ADGRL3: variants seen among roughly 807,000 people sequenced by gnomAD.
ADGRL3 encodes the protein adhesion G protein-coupled receptor L3, also known as calcium-independent alpha-latrotoxin receptor 3.
ADGRL3 carries 62 observed loss-of-function variants against 153.5 expected under a neutral mutation model. That is an observed-to-expected ratio of 0.40 (90% CI 0.33 to 0.50). The LOEUF is 0.50. Among genes scored for constraint, ADGRL3 ranks in the 20% least tolerant of loss-of-function variants. The pLI, the probability that ADGRL3 is intolerant of heterozygous loss-of-function variation, is 0.47. For missense variants in ADGRL3, 1,641 were observed against 1,859.4 expected (o/e 0.88, Z 2.16); for synonymous variants, 710 against 672.5 (o/e 1.06, Z -0.86).
chr4:62,020,789 T>C (rs2099234253), intron 21 of ADGRL3, among the ~76,000 whole-genome samples: 1 of 152,084 alleles, frequency 6.6e-6, no homozygotes, highest in Non-Finnish European at 1.5e-5. Context: ...ATTGCCGTCA[T>C]ATAGTGGACT....
chr4:62,061,136 A>G (rs1739894753), intron 25 of ADGRL3, among the ~76,000 whole-genome samples: 2 of 151,934 alleles, frequency 1.3e-5, no homozygotes, highest in African/African-American at 2.4e-5. Context: ...ATAATTTAGA[A>G]AAGATTGAAA....
intron 5 of ADGRL3, among the ~76,000 whole-genome samples, chr4:61,650,194 G>A (rs973366928): frequency 2.0e-5 from 3 of 152,050 alleles, no homozygotes; most frequent in Non-Finnish European, 2.9e-5. Flanking sequence ...GATGTATACT[G>A]TAAATTTATT....
chr4:61,449,859 C>A (rs2097652707), intron 2 of ADGRL3, among the ~76,000 whole-genome samples: 1 of 152,136 alleles, frequency 6.6e-6, no homozygotes. Flanking sequence ...CTGAGTTTCT[C>A]CACCACCTTT....
chr4:61,295,337 A>G lies in ADGRL3; in HGVS notation c.-239-87787A>G, dbSNP rs555684028. On this transcript the variant is annotated intron_variant, in intron 1 of 26. Transcript: ENST00000683033. ...ACTTGTTACTGTTGTTAATCTCTTA[A>G]GGTGCCTAATTTATAAATTTACCTT... 2.6e-5 allele frequency among the ~76,000 whole-genome samples: 4 copies of G among 152,192 alleles called. No homozygotes were observed. In the South Asian group the frequency reaches 8.3e-4, roughly 32 times the overall value.
intron 8 of ADGRL3, among the ~76,000 whole-genome samples, chr4:61,736,677 A>T (rs1265204656): frequency 6.6e-6 from 1 of 152,198 alleles, no homozygotes; most frequent in Non-Finnish European, 1.5e-5. Flanking sequence ...ATAAATAAAT[A>T]AAAGGATGCT....
At chr4:61,456,674 A>G (rs1376635604) in intron 2 of ADGRL3, among the ~76,000 whole-genome samples, 2 of 151,444 alleles carry the variant, frequency 1.3e-5, no homozygotes, top group Non-Finnish European at 2.9e-5. Flanking sequence ...ACCATGGGCG[A>G]CCATTTTTTA....
chr4:61,506,914 G>C (rs1317167230), intron 3 of ADGRL3, among the ~76,000 whole-genome samples: 1 of 151,982 alleles, frequency 6.6e-6, no homozygotes, highest in Non-Finnish European at 1.5e-5. Context: ...CTAATGATTA[G>C]ATATGTAGGT....
intron 6 of ADGRL3, among the ~76,000 whole-genome samples, chr4:61,698,178 G>T (rs1033439463): frequency 3.3e-5 from 5 of 152,148 alleles, no homozygotes; most frequent in African/African-American, 9.7e-5. Flanking sequence ...GAGGCCGGGC[G>T]TGGTGGCTCA....
At chr4:61,950,218 A>G (rs1339774038) in intron 17 of ADGRL3, among the ~76,000 whole-genome samples, 4 of 152,186 alleles carry the variant, frequency 2.6e-5, no homozygotes, top group African/African-American at 9.7e-5. Context: ...TAAGATATGA[A>G]CACTGCCTTC....
At chr4:62,018,977 A>G (rs1239276496) in intron 21 of ADGRL3, among the ~76,000 whole-genome samples, 2 of 152,310 alleles carry the variant, frequency 1.3e-5, no homozygotes, top group African/African-American at 2.4e-5. Flanking sequence ...CAGTGGGCAT[A>G]TGTACAATTT....
chr4:61,547,573 A>C (rs940928638), intron 4 of ADGRL3, among the ~76,000 whole-genome samples: 8 of 146,054 alleles, frequency 5.5e-5, no homozygotes, highest in African/African-American at 2.0e-4. Context: ...CATCCATGTT[A>C]CTGCAAAGAA....
intron 2 of ADGRL3, among the ~76,000 whole-genome samples, chr4:61,387,499 C>T (rs2096751972): frequency 6.6e-6 from 1 of 152,056 alleles, no homozygotes; most frequent in Admixed American, 6.6e-5. Flanking sequence ...TAAGAGACGA[C>T]CACGCCCCAG....
intron 8 of ADGRL3, among the ~76,000 whole-genome samples, chr4:61,789,562 A>C (rs2152426715): frequency 6.6e-6 from 1 of 152,236 alleles, no homozygotes; most frequent in East Asian, 1.9e-4. Flanking sequence ...CAATTTTCTA[A>C]TTATGCTTGA....
Position 61,694,933 on chromosome 4 carries a change from T to G in ADGRL3, c.583+17998T>G, listed in dbSNP as rs530671737. ...AACATCTGCTGTTTTTGTTCATTTATAAGTAGCAACTCCTCGTGTTCAGTT... is the reference window on the plus strand; with the variant it reads ...AACATCTGCTGTTTTTGTTCATTTAGAAGTAGCAACTCCTCGTGTTCAGTT... On this transcript the variant is annotated intron_variant, in intron 6 of 26. Transcript: ENST00000683033. Among the ~76,000 whole-genome samples the G allele has an allele frequency of 2.6e-5, 4 of 152,344 alleles. No individual in the cohort carries two copies. In the South Asian group the frequency reaches 8.3e-4, roughly 32 times the overall value.
intron 3 of ADGRL3, among the ~76,000 whole-genome samples, chr4:61,508,639 A>C (rs2098445164): frequency 6.6e-6 from 1 of 152,184 alleles, no homozygotes; most frequent in Admixed American, 6.5e-5. Flanking sequence ...GGTTTGTTAC[A>C]GGAGTATATT....
At chr4:61,349,388 G>A (rs2151289069) in intron 1 of ADGRL3, among the ~76,000 whole-genome samples, 1 of 152,090 alleles carries the variant, frequency 6.6e-6, no homozygotes, top group East Asian at 1.9e-4. Flanking sequence ...TTACTTTAAA[G>A]GTAATTAAGT....
chr4:61,780,713 C>A (rs2097204101), intron 8 of ADGRL3, among the ~76,000 whole-genome samples: 1 of 152,118 alleles, frequency 6.6e-6, no homozygotes, highest in South Asian at 2.1e-4. Flanking sequence ...ACTGTGAGAC[C>A]AATCCCTCTT....
chr4:61,562,337 T>G (rs1027439083), intron 4 of ADGRL3, among the ~76,000 whole-genome samples: 1 of 152,126 alleles, frequency 6.6e-6, no homozygotes, highest in Non-Finnish European at 1.5e-5. Flanking sequence ...GGCAATTTCT[T>G]AAAATAAGAC....
intron 8 of ADGRL3, among the ~76,000 whole-genome samples, chr4:61,751,314 C>A (rs539206180): frequency 6.6e-6 from 1 of 152,062 alleles, no homozygotes; most frequent in Non-Finnish European, 1.5e-5. Flanking sequence ...TATGTTATTG[C>A]CCCTTATTCA....
Sources: allele counts gnomAD v4.1 joint callset (sites outside exome capture counted in the v4.1 genomes callset), GRCh38; gene constraint gnomAD v4.1.1; transcripts MANE v1.5; gene names NCBI Gene and HGNC (gene_info 2026-07-23, HGNC 2026-07-21).